KCNS3: variants seen among roughly 807,000 people sequenced by gnomAD.
The protein encoded by KCNS3 is potassium voltage-gated channel modifier subfamily S member 3, also known as delayed-rectifier potassium channel regulatory subunit KCNS3.
KCNS3 carries 13 observed loss-of-function variants against 31.0 expected under a neutral mutation model. That is an observed-to-expected ratio of 0.42 (90% CI 0.27 to 0.67). The LOEUF (loss-of-function observed/expected upper bound fraction) is 0.67. Ranked by LOEUF, KCNS3 falls within the 30% of genes least tolerant of loss-of-function variation. KCNS3 has a pLI of 0.25. For missense variants in KCNS3, 545 were observed against 622.4 expected, an observed-to-expected ratio of 0.88 and a Z score of 1.32; for synonymous variants, 238 against 241.5, an observed-to-expected ratio of 0.99 and a Z score of 0.13.
intron 2 of KCNS3, among the ~76,000 whole-genome samples, chr2:17,925,752 A>C (rs1462023972): frequency 6.6e-6 from 1 of 152,172 alleles, no homozygotes; most frequent in Non-Finnish European, 1.5e-5. Context: ...TGGGGATTAC[A>C]ATTCAACATG....
intron 1 of KCNS3, among the ~76,000 whole-genome samples, chr2:17,880,810 G>C (rs1674630133): frequency 6.6e-6 from 1 of 152,192 alleles, no homozygotes; most frequent in Non-Finnish European, 1.5e-5. Flanking sequence ...AAGGGGGAGA[G>C]TGGGAACTGC....
chr2:17,894,142 T>C (rs1661931022), intron 1 of KCNS3, among the ~76,000 whole-genome samples: 1 of 152,056 alleles, frequency 6.6e-6, no homozygotes, highest in Admixed American at 6.6e-5. Flanking sequence ...ATTTATGTTA[T>C]GTGAGCAACT....
intron 1 of KCNS3, among the ~76,000 whole-genome samples, chr2:17,896,630 T>C (rs1662035084): frequency 1.3e-5 from 2 of 152,120 alleles, no homozygotes; most frequent in Non-Finnish European, 2.9e-5. Flanking sequence ...CTAATTCCCT[T>C]TGGGTAATTA....
At chr2:17,923,873 T>C (rs1209268396) in intron 2 of KCNS3, among the ~76,000 whole-genome samples, 1 of 151,964 alleles carries the variant, frequency 6.6e-6, no homozygotes, top group South Asian at 2.1e-4. Flanking sequence ...TTTAGAATTT[T>C]GGAATCAATT....
chr2:17,916,578 G>T (rs4240212), intron 1 of KCNS3, among the ~76,000 whole-genome samples: 2 of 152,258 alleles, frequency 1.3e-5, no homozygotes, highest in African/African-American at 4.8e-5. Flanking sequence ...GCAAAGTCCA[G>T]ATGTGCTGAA....
chr2:17,917,532 G>C (rs570260235), intron 1 of KCNS3, 148 bp from the exon 2 acceptor site: 3 of 152,200 alleles, frequency 2.0e-5, no homozygotes, highest in Non-Finnish European at 4.4e-5. Context: ...ACAGGGGGAA[G>C]AGACCACCCC....
rs1420232859 is a variant in KCNS3 at position 17,932,093 on chromosome 2, G to A, written c.1085G>A (p.Trp362Ter). ...CTCACCAGCATCCCCATCTGCTGGTGGTGGGCCACCATCAGCATGACAACT... is the reference window on the plus strand; with the variant it reads ...CTCACCAGCATCCCCATCTGCTGGTAGTGGGCCACCATCAGCATGACAACT... Reference protein sequence around the residue: ...SSLTSIPICWWWATISMTTVG... With the variant: ...SSLTSIPICW The change falls in exon 3 of 3, where the codon TGG becomes TAG. Residue 362 changes from tryptophan to a stop codon, truncating the protein, a stop_gained. Transcript: ENST00000304101. LOFTEE classifies it high-confidence loss of function. 6.2e-7 allele frequency: 1 copy of A among 1,614,064 alleles called. No individual in the cohort carries two copies. The highest frequency in any genetic ancestry group is 1.1e-5 in the South Asian group (1 of 91,068).
At chr2:17,881,824 G>C (rs1195303444) in intron 1 of KCNS3, among the ~76,000 whole-genome samples, 1 of 152,142 alleles carries the variant, frequency 6.6e-6, no homozygotes, top group African/African-American at 2.4e-5. Flanking sequence ...TGACTTTTGG[G>C]TCCCATGTCT....
At chr2:17,920,491 AC>A (rs1662683797) in intron 2 of KCNS3, among the ~76,000 whole-genome samples, 1 of 152,236 alleles carries the variant, frequency 6.6e-6, no homozygotes, top group Non-Finnish European at 1.5e-5. Flanking sequence ...AAAAAGCTTT[AC>A]AGGGTGCCAG....
At chr2:17,906,174 G>A (rs1028018794) in intron 1 of KCNS3, among the ~76,000 whole-genome samples, 6 of 152,030 alleles carry the variant, frequency 3.9e-5, no homozygotes, top group African/African-American at 7.2e-5. Flanking sequence ...CAACTTCTTC[G>A]TGGTTTAATC....
chr2:17,901,546 C>T (rs1225172026), intron 1 of KCNS3, among the ~76,000 whole-genome samples: 2 of 152,120 alleles, frequency 1.3e-5, no homozygotes, highest in Non-Finnish European at 2.9e-5. Context: ...CAGAAGGACA[C>T]ATCTGGTAGG....
intron 1 of KCNS3, among the ~76,000 whole-genome samples, chr2:17,879,110 T>C (rs1460679454): frequency 6.6e-6 from 1 of 151,902 alleles, no homozygotes; most frequent in Admixed American, 6.5e-5. Context: ...TCGGGGAAGG[T>C]ATTTAGGATC....
intron 2 of KCNS3, among the ~76,000 whole-genome samples, chr2:17,926,227 C>G (rs1428857786): frequency 6.6e-6 from 1 of 152,234 alleles, no homozygotes; most frequent in African/African-American, 2.4e-5. Flanking sequence ...AGCTCCACCC[C>G]TATGGCTTTG....
intron 2 of KCNS3, among the ~76,000 whole-genome samples, chr2:17,925,760 A>G (rs1558460002): frequency 6.6e-6 from 1 of 152,202 alleles, no homozygotes; most frequent in Non-Finnish European, 1.5e-5. Flanking sequence ...ACAATTCAAC[A>G]TGAGATTTGG....
At chr2:17,906,036 G>T (rs1262055655) in intron 1 of KCNS3, among the ~76,000 whole-genome samples, 1 of 152,188 alleles carries the variant, frequency 6.6e-6, no homozygotes, top group Non-Finnish European at 1.5e-5. Context: ...AGAAGGAATG[G>T]TACCAGCTCC....
At chr2:17,917,026 A>T (rs1026824104) in intron 1 of KCNS3, among the ~76,000 whole-genome samples, 2 of 152,168 alleles carry the variant, frequency 1.3e-5, no homozygotes, top group Non-Finnish European at 2.9e-5. Context: ...TTTAAAATTT[A>T]TTCAGAGAGA....
chr2:17,901,331 G>GA (rs35668821), intron 1 of KCNS3, among the ~76,000 whole-genome samples: 35,195 of 151,382 alleles, frequency 0.23, 4,559 homozygotes, highest in African/African-American at 0.32. Context: ...AGGAGGGATA[G>GA]AAAAAAAAAT....
intron 1 of KCNS3, among the ~76,000 whole-genome samples, chr2:17,897,588 T>G (rs1175857432): frequency 2.0e-5 from 3 of 152,212 alleles, no homozygotes; most frequent in Non-Finnish European, 4.4e-5. Flanking sequence ...GTTGGCCACT[T>G]GTATGTCCTC....
Position 17,930,958 on chromosome 2 carries a change from T to C in KCNS3, c.-51T>C. ...TCTTGTGCTCTTTCCAGGTGCAGCC[T>C]GATCTTCCTCTTCTCCCTTGCCAGC... is the stretch of plus-strand genomic sequence containing the variant. On this transcript the variant is annotated 5_prime_UTR_variant, in exon 3 of 3. Coordinates refer to ENST00000304101, the MANE Select transcript of KCNS3 (RefSeq NM_002252.5). The C allele has an allele frequency of 6.3e-7, 1 of 1,576,674 alleles. No individual in the cohort carries two copies. The highest frequency in any genetic ancestry group is 1.3e-5 in the African/African-American group (1 of 74,300).
Sources: gnomAD v4.1 joint callset for allele counts (sites outside exome capture counted in the v4.1 genomes callset) on GRCh38, gnomAD v4.1.1 for gene constraint, MANE v1.5 for transcripts, NCBI Gene and HGNC (gene_info 2026-07-23, HGNC 2026-07-21) for gene names.